The following STAU2 variants were observed in gnomAD, a reference collection of about 807,000 sequenced individuals.
STAU2 encodes the protein staufen double-stranded RNA binding protein 2, also known as double-stranded RNA-binding protein Staufen homolog 2.
In STAU2, 20 loss-of-function variants were observed where a neutral mutation model predicts 65.9. The observed-to-expected ratio is 0.30, with a 90% CI of 0.21 to 0.44. The LOEUF is 0.44. STAU2 is among the 20% of genes least tolerant of loss of function. The probability of loss-of-function intolerance (pLI) is 1.00; values close to 1 mark genes in which losing one functional copy is unlikely to be tolerated. For synonymous variants in STAU2, 232 were observed against 233.9 expected, an observed-to-expected ratio of 0.99 and a Z score of 0.07; for missense variants, 558 against 683.9, an observed-to-expected ratio of 0.82 and a Z score of 2.05.
chr8:73,657,675 C>G (rs1816483850), intron 6 of STAU2, among the ~76,000 whole-genome samples: 1 of 152,086 alleles, frequency 6.6e-6, no homozygotes, highest in African/African-American at 2.4e-5. Flanking sequence ...CTTTTCTGTA[C>G]TGTCTTTACC....
At chr8:73,529,182 C>A (rs1437717553) in intron 13 of STAU2, among the ~76,000 whole-genome samples, 1 of 152,102 alleles carries the variant, frequency 6.6e-6, no homozygotes. Flanking sequence ...ACTTCCTGAG[C>A]AAATTAAAAG....
intron 6 of STAU2, chr8:73,654,045 A>G (rs1268396778): frequency 4.4e-6 from 1 of 225,448 alleles, no homozygotes; most frequent in Non-Finnish European, 8.8e-6. Flanking sequence ...TTTTTATATT[A>G]CAAAAATTCC....
At chr8:73,491,725 C>T (rs1821164470) in intron 13 of STAU2, among the ~76,000 whole-genome samples, 1 of 151,778 alleles carries the variant, frequency 6.6e-6, no homozygotes, top group African/African-American at 2.4e-5. Flanking sequence ...TTGAAGATAG[C>T]AAAGATCAAA....
intron 6 of STAU2, among the ~76,000 whole-genome samples, chr8:73,639,239 A>G (rs1364804821): frequency 6.6e-6 from 1 of 152,052 alleles, no homozygotes; most frequent in African/African-American, 2.4e-5. Flanking sequence ...ATTTTCTTTA[A>G]TAGTATATTT....
At chr8:73,494,343 T>C (rs1821291836) in intron 13 of STAU2, among the ~76,000 whole-genome samples, 2 of 151,728 alleles carry the variant, frequency 1.3e-5, no homozygotes, top group East Asian at 1.9e-4. Flanking sequence ...AAATATTAAT[T>C]ATACAATTTA....
At chr8:73,444,173 G>A (rs900786039) in intron 13 of STAU2, among the ~76,000 whole-genome samples, 5 of 152,124 alleles carry the variant, frequency 3.3e-5, no homozygotes, top group East Asian at 1.9e-4. Context: ...TTGGAAGGCC[G>A]AGGCGGGCAG....
intron 6 of STAU2, among the ~76,000 whole-genome samples, chr8:73,641,948 CTT>C (rs1282555211): frequency 3.3e-5 from 5 of 152,132 alleles, no homozygotes; most frequent in Non-Finnish European, 5.9e-5. Flanking sequence ...CAAATGTACT[CTT>C]TTATACTCCC....
At chr8:73,742,148 T>G (rs1806929911) in intron 1 of STAU2, 1 of 941,454 alleles carries the variant, frequency 1.1e-6, no homozygotes, top group Non-Finnish European at 1.3e-6. Flanking sequence ...ACACGCCCAG[T>G]CTACTGTCAC....
chr8:73,641,069 T>C (rs1379757482), intron 6 of STAU2, among the ~76,000 whole-genome samples: 1 of 152,182 alleles, frequency 6.6e-6, no homozygotes, highest in Non-Finnish European at 1.5e-5. Context: ...TGATACAAAG[T>C]TATTAGTTAT....
chr8:73,727,095 C>T (rs575260206), intron 3 of STAU2, among the ~76,000 whole-genome samples: 38 of 151,886 alleles, frequency 2.5e-4, no homozygotes, highest in African/African-American at 8.0e-4. Context: ...CTGGGCGTGG[C>T]GGCAGGTGCC....
intron 13 of STAU2, among the ~76,000 whole-genome samples, chr8:73,508,584 G>C (rs548994420): frequency 6.6e-6 from 1 of 152,196 alleles, no homozygotes; most frequent in Non-Finnish European, 1.5e-5. Context: ...ACAGAGACAT[G>C]AAGTGGGCAC....
chr8:73,508,482 G>A (rs1256396113), intron 13 of STAU2, among the ~76,000 whole-genome samples: 1 of 152,060 alleles, frequency 6.6e-6, no homozygotes, highest in African/African-American at 2.4e-5. Flanking sequence ...AATTACAATA[G>A]TAACATCAAA....
intron 5 of STAU2, among the ~76,000 whole-genome samples, chr8:73,685,092 T>C (rs1317139338): frequency 2.0e-5 from 3 of 152,168 alleles, no homozygotes; most frequent in Admixed American, 1.3e-4. Flanking sequence ...GTTTGGCAAG[T>C]TCCTCCTTCA....
At chr8:73,447,525 A>T (rs1227366018) in intron 13 of STAU2, among the ~76,000 whole-genome samples, 1 of 152,210 alleles carries the variant, frequency 6.6e-6, no homozygotes, top group Non-Finnish European at 1.5e-5. Context: ...TCCTCTACAA[A>T]CATTTTGTGC....
chr8:73,588,963 C>T (rs1317327203), intron 11 of STAU2, among the ~76,000 whole-genome samples: 1 of 152,040 alleles, frequency 6.6e-6, no homozygotes, highest in Non-Finnish European at 1.5e-5. Flanking sequence ...ACCACAATCC[C>T]AGGATTAAAT....
At chr8:73,571,096 C>T (rs532043679) in intron 12 of STAU2, among the ~76,000 whole-genome samples, 1 of 152,208 alleles carries the variant, frequency 6.6e-6, no homozygotes, top group East Asian at 1.9e-4. Flanking sequence ...GGTTGCAATC[C>T]TAGTCTCTGA....
chr8:73,435,432 C>T lies in STAU2; in HGVS notation c.1531-12730G>A, dbSNP rs893051763. ...AAGTTCCCCCAGGAAGACAGGTGCT[C>T]GCAGACAGGGGTCTTATTCTGTTCT... On this transcript the variant is annotated intron_variant, in intron 13 of 14. Coordinates refer to ENST00000524300, the MANE Select transcript of STAU2 (RefSeq NM_001164380.2). 2.0e-4 allele frequency among the ~76,000 whole-genome samples: 30 copies of T among 151,918 alleles called. 1 individual carries two copies. The highest frequency in any genetic ancestry group is 7.3e-4 in the African/African-American group (30 of 41,166).
At chr8:73,626,627 CA>C (rs1248127294) in intron 6 of STAU2, among the ~76,000 whole-genome samples, 1 of 152,184 alleles carries the variant, frequency 6.6e-6, no homozygotes, top group East Asian at 1.9e-4. Context: ...GGCAGTGCTA[CA>C]ATTTCACTTA....
chr8:73,450,292 T>C (rs1399686273), intron 13 of STAU2, among the ~76,000 whole-genome samples: 1 of 152,222 alleles, frequency 6.6e-6, no homozygotes, highest in African/African-American at 2.4e-5. Flanking sequence ...GTGATAGTTG[T>C]ATGTCGACAT....
Sources: gnomAD v4.1 joint callset for allele counts (sites outside exome capture counted in the v4.1 genomes callset) on GRCh38, gnomAD v4.1.1 for gene constraint, MANE v1.5 for transcripts, NCBI Gene and HGNC (gene_info 2026-07-23, HGNC 2026-07-21) for gene names.